Variants in GPT observed in about 807,000 individuals in gnomAD.
GPT encodes glutamic--pyruvic transaminase.
In GPT, 60 loss-of-function variants were observed where a neutral mutation model predicts 51.4. The observed-to-expected ratio is 1.17, with a 90% CI of 0.95 to 1.45. GPT has a LOEUF of 1.45. GPT is among the 40% of genes most tolerant of loss of function. GPT has a pLI of 0.00. For missense variants in GPT, 853 were observed against 704.0 expected (o/e 1.21, Z -2.40); for synonymous variants, 397 against 303.1 (o/e 1.31, Z -3.22).
Position 144,506,033 on chromosome 8 carries a change from C to G in GPT, c.858C>G (p.Phe286Leu). 6.2e-7 allele frequency: 1 copy of G among 1,612,446 alleles called. No individual in the cohort carries two copies. The highest frequency in any genetic ancestry group is 8.5e-7 in the Non-Finnish European group (1 of 1,179,714). The change falls in exon 7 of 11, where the codon TTC (phenylalanine) becomes TTG (leucine). Residue 286 changes from phenylalanine to leucine, a missense_variant. Transcript: ENST00000394955. This position sits in a 1 kb window ranked among gnomAD's most constrained non-coding sequence, Gnocchi z 7.0. ...QDNVYAAGSQFHSFKKVLMEM... is the reference protein window; with the variant it reads ...QDNVYAAGSQLHSFKKVLMEM... ...ACGTGTACGCCGCGGGTTCGCAGTT[C>G]CACTCATTCAAGAAGGTGCTCATGG...
In GPT at chr8:144,505,290, G is replaced by C; in HGVS notation, c.540G>C (p.Thr180=). ...LLVAGEGHTR[T]GVLIPIPQYP... ...TGGCCGGCGAGGGCCACACACGCAC[G>C]GGTGTGCTCATCCCCATCCCCCAGT... The change falls in exon 5 of 11, where the codon ACG becomes ACC. Residue 180 remains threonine, a synonymous_variant. Transcript: ENST00000394955. 6.3e-7 allele frequency: 1 copy of C among 1,579,090 alleles called. No homozygotes were observed. The highest frequency in any genetic ancestry group is 8.6e-7 in the Non-Finnish European group (1 of 1,163,058).
At position 144,507,114 on chromosome 8, in the gene GPT, G is replaced by GGGGGGGGGGGGGGGGGGCCC; in HGVS notation, c.*114_*115insGGGGGGGGGGGGGGGGGCCC. On this transcript the variant is annotated 3_prime_UTR_variant, in exon 11 of 11. Coordinates refer to ENST00000394955, the MANE Select transcript of GPT (RefSeq NM_005309.3). Reference sequence around the variant, plus strand: ...TGCCTGGCGGGGTGGGGTGGGGGGGGTGCTGGGCCCCTGCCTCTCTGCAGG... The same window carrying GGGGGGGGGGGGGGGGGGCCC: ...TGCCTGGCGGGGTGGGGTGGGGGGGGGGGGGGGGGGGGGGGGGCCCTGCTGGGCCCCTGCCTCTCTGCAGG... 2.8e-5 allele frequency: 14 copies of GGGGGGGGGGGGGGGGGGCCC among 498,328 alleles called. No homozygotes were observed. Among genetic ancestry groups the GGGGGGGGGGGGGGGGGGCCC allele is most frequent in the East Asian group, 1.6e-4 (3 of 18,268 alleles). 30.9% of individuals were successfully genotyped at this position (498,328 alleles called of 1,614,324 possible).
In GPT at chr8:144,504,218, C is replaced by A; in HGVS notation, c.-87C>A. On this transcript the variant is annotated 5_prime_UTR_variant, in exon 1 of 11. Transcript: ENST00000394955. ...TACGGCTGCCCCCTCCCAGCCCTGG[C>A]CCACTAAGCCAGACCCAGCTGTCGC... 1.4e-6 allele frequency: 2 copies of A among 1,440,920 alleles called. No homozygotes were observed. Among genetic ancestry groups the A allele is most frequent in the Non-Finnish European group, 1.9e-6 (2 of 1,054,392 alleles). The allele number at this position is 1,440,920 out of a possible 1,614,324, so 89.3% of individuals were successfully genotyped here.
In GPT at chr8:144,506,440, T is replaced by A; in HGVS notation, c.1131+34T>A. 4 of 1,566,948 alleles carry A rather than the reference T, an allele frequency of 2.6e-6. No homozygotes were observed. Among genetic ancestry groups the A allele is most frequent in the Non-Finnish European group, 3.5e-6 (4 of 1,157,374 alleles). ...GGGGCAGGAGGGGGTCCAGGTGACCTAATCAGGGGTGGGGGATGCCGAGTG... is the reference window on the plus strand; with the variant it reads ...GGGGCAGGAGGGGGTCCAGGTGACCAAATCAGGGGTGGGGGATGCCGAGTG... On this transcript the variant is annotated intron_variant, in intron 8 of 10. Transcript: ENST00000394955. This position sits in a 1 kb window ranked among gnomAD's most constrained non-coding sequence, Gnocchi z 7.0.
chr8:144,503,561 G>A (rs928153550), upstream of GPT, among the ~76,000 whole-genome samples: 7 of 151,188 alleles, frequency 4.6e-5, no homozygotes, highest in African/African-American at 7.3e-5. Flanking sequence ...CCCTCGCAGT[G>A]CTCATCAGGG....
At position 144,506,379 on chromosome 8, in the gene GPT, C is replaced by A; in HGVS notation, c.1104C>A (p.Thr368=). Residue 368 remains threonine, a synonymous_variant, in exon 8 of 11, where the codon ACC becomes ACA. Coordinates refer to ENST00000394955, the MANE Select transcript of GPT (RefSeq NM_005309.3). This position sits in a 1 kb window ranked among gnomAD's most constrained non-coding sequence, Gnocchi z 7.0. ...LDLVVSPPAP[T]DPSFAQFQAE... ...TGGTGGTCAGCCCGCCCGCGCCCAC[C>A]GACCCCTCCTTTGCGCAGTTCCAGG... 1 of 1,560,202 alleles carries A rather than the reference C, an allele frequency of 6.4e-7. No individual in the cohort carries two copies. The highest frequency in any genetic ancestry group is 8.7e-7 in the Non-Finnish European group (1 of 1,156,058).
Position 144,506,068 on chromosome 8 carries a change from C to T in GPT, c.893C>T (p.Pro298Leu), listed in dbSNP as rs912479992. The T allele has an allele frequency of 1.9e-6, 3 of 1,612,262 alleles. No homozygotes were observed. The highest frequency in any genetic ancestry group is 2.7e-5 in the African/African-American group (2 of 74,910). The stretch of plus-strand genomic sequence containing the variant: ...AAGAAGGTGCTCATGGAGATGGGGC[C>T]GCCCTACGCCGGGCAGCAGGAGCTT... ...SFKKVLMEMG[P>L]PYAGQQELAS... The change falls in exon 7 of 11, where the codon CCG becomes CTG. Residue 298 changes from proline to leucine, a missense_variant. By Grantham distance (98) the Pro-to-Leu change is moderately conservative (BLOSUM62 -3). Transcript: ENST00000394955. This position sits in a 1 kb window ranked among gnomAD's most constrained non-coding sequence, Gnocchi z 7.0.
At chr8:144,504,488 T>C (rs753030623) in intron 1 of GPT, 22 bp downstream of exon 1, 1 of 1,607,816 alleles carries the variant, frequency 6.2e-7, no homozygotes, top group Non-Finnish European at 8.5e-7. Flanking sequence ...GGCCCCTCGC[T>C]GCCCTCCAGG....
At position 144,506,752 on chromosome 8, in the gene GPT, A is replaced by T; in HGVS notation, c.1309A>T (p.Met437Leu). 6.2e-7 allele frequency: 1 copy of T among 1,611,902 alleles called. No homozygotes were observed. The highest frequency in any genetic ancestry group is 8.5e-7 in the Non-Finnish European group (1 of 1,179,878). The part of the protein sequence containing the change: ...RAQELGLAPD[M>L]FFCLRLLEET... ...ACAGGAGCTGGGCCTGGCCCCCGATATGTTCTTCTGCCTGCGCCTCCTGGA... is the reference window on the plus strand; with the variant it reads ...ACAGGAGCTGGGCCTGGCCCCCGATTTGTTCTTCTGCCTGCGCCTCCTGGA... Residue 437 changes from methionine to leucine, a missense_variant, in exon 10 of 11, where the codon ATG (methionine) becomes TTG (leucine). Coordinates refer to ENST00000394955, the MANE Select transcript of GPT (RefSeq NM_005309.3). The surrounding 1 kb of genome is among the most constrained non-coding windows in gnomAD (Gnocchi z 7.0).
Position 144,505,920 on chromosome 8 carries a change from C to A in GPT, c.812C>A (p.Ala271Glu), listed in dbSNP as rs202006693. Residue 271 changes from alanine to glutamate, a missense_variant, in exon 6 of 11, where the codon GCG becomes GAG. Transcript: ENST00000394955. ...TTCGAAGAGCGGCTCTTTCTGCTGG[C>A]GGACGAGGTGCGCGGCGCGGGGGAG... ...FAFEERLFLL[A>E]DEVYQDNVYA... is the part of the protein sequence containing the mutation. The A allele has an allele frequency of 2.9e-5, 47 of 1,606,944 alleles. No individual in the cohort carries two copies. Among genetic ancestry groups the A allele is most frequent in the Non-Finnish European group, 3.9e-5 (46 of 1,177,528 alleles).
At position 144,504,403 on chromosome 8, in the gene GPT, G is replaced by T. The variant is rs751510590; in HGVS notation, c.99G>T (p.Val33=). 6.2e-7 allele frequency: 1 copy of T among 1,611,678 alleles called. No homozygotes were observed. Among genetic ancestry groups the T allele is most frequent in the Admixed American group, 1.7e-5 (1 of 60,012 alleles). Residue 33 remains valine (V), a synonymous_variant, in exon 1 of 11, where the codon GTG becomes GTT. Transcript: ENST00000394955. ...GCATGAACCCGCGTGTGCGGAGAGT[G>T]GAGTACGCAGTGCGTGGCCCCATAG... The part of the protein sequence containing the change: ...LDGMNPRVRR[V]EYAVRGPIVQ...
At position 144,507,143 on chromosome 8, in the gene GPT, C is replaced by T; in HGVS notation, c.*143C>T. On this transcript the variant is annotated 3_prime_UTR_variant, in exon 11 of 11. Coordinates refer to ENST00000394955, the MANE Select transcript of GPT (RefSeq NM_005309.3). ...TGGGCCCCTGCCTCTCTGCAGGTCC[C>T]TAATAAAGCTGTGTGGCAGTCTGAC... 1 of 690,078 alleles carries T rather than the reference C, an allele frequency of 1.4e-6. No individual in the cohort carries two copies. The highest frequency in any genetic ancestry group is 1.5e-5 in the South Asian group (1 of 65,370). The allele number at this position is 690,078 out of a possible 1,614,324, so 42.7% of individuals were successfully genotyped here.
At position 144,507,114 on chromosome 8, in the gene GPT, G is replaced by GGGGGGGGGC; in HGVS notation, c.*114_*115insGGGGGGGGC. The GGGGGGGGGC allele has an allele frequency of 2.0e-6, 1 of 498,332 alleles. No individual in the cohort carries two copies. Among genetic ancestry groups the GGGGGGGGGC allele is most frequent in the Non-Finnish European group, 3.9e-6 (1 of 254,518 alleles). 30.9% of individuals were successfully genotyped at this position (498,332 alleles called of 1,614,324 possible). On this transcript the variant is annotated 3_prime_UTR_variant, in exon 11 of 11. Transcript: ENST00000394955. The stretch of plus-strand genomic sequence containing the variant: ...TGCCTGGCGGGGTGGGGTGGGGGGG[G>GGGGGGGGGC]TGCTGGGCCCCTGCCTCTCTGCAGG...
intron 1 of GPT, 40 bp downstream of exon 1, chr8:144,504,506 G>C: frequency 6.2e-7 from 1 of 1,608,196 alleles, no homozygotes; most frequent in Middle Eastern, 1.7e-4. Context: ...AGGTCACAAT[G>C]GGGTGGCCGA....
chr8:144,506,259 G>C lies in GPT; in HGVS notation c.984G>C (p.Glu328Asp). The C allele has an allele frequency of 3.1e-6, 5 of 1,606,722 alleles. No homozygotes were observed. Among genetic ancestry groups the C allele is most frequent in the Non-Finnish European group, 4.2e-6 (5 of 1,179,008 alleles). The change falls in exon 8 of 11, where the codon GAG becomes GAC. Residue 328 changes from glutamate to aspartate, a missense_variant. Physicochemically the swap from Glu to Asp is conservative, Grantham distance 45 (BLOSUM62 2). Transcript: ENST00000394955. This position sits in a 1 kb window ranked among gnomAD's most constrained non-coding sequence, Gnocchi z 7.0. ...GECGFRGGYV[E>D]VVNMDAAVQQ... is the part of the protein sequence containing the mutation. ...GCGGGTTCCGCGGCGGCTATGTGGA[G>C]GTGGTGAACATGGACGCTGCAGTGC... is the stretch of plus-strand genomic sequence containing the variant.
In GPT at chr8:144,507,069, C is replaced by T. The variant is rs889380954; in HGVS notation, c.*69C>T. ...TCAGGAGCCCTGGGAGGCTCTGGAG[C>T]CCACTGTACTTGCTCTTGATGCCTG... is the stretch of plus-strand genomic sequence containing the variant. On this transcript the variant is annotated 3_prime_UTR_variant, in exon 11 of 11. Transcript: ENST00000394955. 7.0e-6 allele frequency: 7 copies of T among 1,002,478 alleles called. No homozygotes were observed. In the African/African-American group the frequency reaches 1.1e-4, roughly 16 times the overall value. 62.1% of individuals were successfully genotyped at this position (1,002,478 alleles called of 1,614,324 possible).
In GPT at chr8:144,504,459, T is replaced by G; in HGVS notation, c.155T>G (p.Leu52Arg). The G allele has an allele frequency of 1.9e-6, 3 of 1,609,786 alleles. No homozygotes were observed. Among genetic ancestry groups the G allele is most frequent in the Non-Finnish European group, 2.5e-6 (3 of 1,179,666 alleles). The change falls in exon 1 of 11, where the codon CTG becomes CGG. Residue 52 changes from leucine (L) to arginine (R), a missense_variant. Leu to Arg is a moderately radical substitution (Grantham distance 102). Transcript: ENST00000394955. Reference sequence around the variant, plus strand: ...CGAGCCTTGGAGCTGGAGCAGGAGCTGCGCCAGGTATGGCCCAGGGCCCCT... The same window carrying G: ...CGAGCCTTGGAGCTGGAGCAGGAGCGGCGCCAGGTATGGCCCAGGGCCCCT... Reference protein sequence around the residue: ...VQRALELEQELRQGVKKPFTE... With the variant: ...VQRALELEQERRQGVKKPFTE...
In GPT at chr8:144,506,697, C is replaced by T. The variant is rs763055722; in HGVS notation, c.1288-34C>T. On this transcript the variant is annotated intron_variant, in intron 9 of 10. Transcript: ENST00000394955. The surrounding 1 kb of genome is among the most constrained non-coding windows in gnomAD (Gnocchi z 7.0). ...GGCCTGCGGGGTGGGCAGGGGGGGC[C>T]GGGCATCCCTCTCTGACGGCTCTCC... 1.2e-5 allele frequency: 19 copies of T among 1,599,104 alleles called. No homozygotes were observed. In the East Asian group the frequency reaches 2.5e-4, roughly 21 times the overall value.
In GPT at chr8:144,504,650, A is replaced by T. The variant is rs1027395904; in HGVS notation, c.209A>T (p.Asp70Val). The change falls in exon 2 of 11, where the codon GAC becomes GTC. Residue 70 changes from aspartate (D) to valine (V), a missense_variant. Asp to Val is a radical substitution (Grantham distance 152). Transcript: ENST00000394955. The stretch of plus-strand genomic sequence containing the variant: ...GAGGTCATCCGTGCCAACATCGGGG[A>T]CGCACAGGCTATGGGGCAGAGGCCC... ...FTEVIRANIG[D>V]AQAMGQRPIT... 5 of 1,613,110 alleles carry T rather than the reference A, an allele frequency of 3.1e-6. No individual in the cohort carries two copies. In the African/African-American group the frequency reaches 4.0e-5, roughly 13 times the overall value.
Sources: gnomAD v4.1 joint callset for allele counts (sites outside exome capture counted in the v4.1 genomes callset) on GRCh38, gnomAD v4.1.1 for gene constraint, Gnocchi (gnomAD v3.1) non-coding constraint, MANE v1.5 for transcripts, NCBI Gene and HGNC (gene_info 2026-07-23, HGNC 2026-07-21) for gene names.